The following SLC24A2 variants were observed in gnomAD, a reference collection of about 807,000 sequenced individuals.
SLC24A2 encodes sodium/potassium/calcium exchanger 2.
A neutral mutation model predicts 62.0 loss-of-function variants in SLC24A2; 36 were observed. That is an observed-to-expected ratio of 0.58 (90% CI 0.44 to 0.77). The LOEUF is 0.77. SLC24A2 is among the 30% of genes least tolerant of loss of function. SLC24A2 has a pLI of 0.00. For synonymous variants in SLC24A2, 358 were observed against 294.0 expected, an observed-to-expected ratio of 1.22 and a Z score of -2.23; for missense variants, 846 against 817.9, an observed-to-expected ratio of 1.03 and a Z score of -0.42.
chr9:19,622,184 ACCCGTCTCACT>A, intron 3 of SLC24A2, 66 bp downstream of exon 3: 2 of 1,211,952 alleles, frequency 1.7e-6, no homozygotes, highest in Admixed American at 3.5e-5. Flanking sequence ...GAGCACACAA[ACCCGTCTCACT>A]CCCACCCCTG....
At chr9:19,920,858 T>G in the SLC24A2 span, among the ~76,000 whole-genome samples, 1 of 152,148 alleles carries the variant, frequency 6.6e-6, no homozygotes, top group Admixed American at 6.5e-5. Flanking sequence ...TGTAAAATCA[T>G]ACAGTCTAAA....
chr9:20,249,314 CAT>C, the SLC24A2 span, among the ~76,000 whole-genome samples: 1 of 152,064 alleles, frequency 6.6e-6, no homozygotes, highest in Non-Finnish European at 1.5e-5. Flanking sequence ...AACTGTGAAC[CAT>C]GGACAGTTTA....
the SLC24A2 span, among the ~76,000 whole-genome samples, chr9:20,234,611 T>C: frequency 6.6e-6 from 1 of 152,216 alleles, no homozygotes; most frequent in Non-Finnish European, 1.5e-5. Context: ...CATTGGTTAT[T>C]CTAGTTATCC....
the SLC24A2 span, among the ~76,000 whole-genome samples, chr9:19,812,538 T>C: frequency 6.6e-6 from 1 of 152,174 alleles, no homozygotes; most frequent in Admixed American, 6.5e-5. Context: ...ATTCTAATTA[T>C]ATAATACATT....
At chr9:19,929,676 A>C in the SLC24A2 span, 2 of 152,308 alleles carry the variant, frequency 1.3e-5, no homozygotes, top group African/African-American at 4.8e-5. Flanking sequence ...ACTCCTATTT[A>C]TTAAAAAAAA....
intron 7 of SLC24A2, among the ~76,000 whole-genome samples, chr9:19,559,724 T>C (rs1384714910): frequency 2.0e-5 from 3 of 152,190 alleles, no homozygotes; most frequent in Non-Finnish European, 2.9e-5. Context: ...ACACTACACA[T>C]TTCACAAAGG....
At chr9:19,684,567 C>T (rs1355323540) in intron 2 of SLC24A2, among the ~76,000 whole-genome samples, 6 of 152,086 alleles carry the variant, frequency 3.9e-5, no homozygotes, top group Non-Finnish European at 7.4e-5. Context: ...GTCTATCTGA[C>T]AGGCAAAGGT....
At chr9:20,016,359 A>C in the SLC24A2 span, among the ~76,000 whole-genome samples, 1 of 152,220 alleles carries the variant, frequency 6.6e-6, no homozygotes, top group Non-Finnish European at 1.5e-5. Flanking sequence ...ACATCTACTC[A>C]GGATATAAAT....
At chr9:19,658,223 T>C (rs556314154) in intron 2 of SLC24A2, among the ~76,000 whole-genome samples, 41 of 152,360 alleles carry the variant, frequency 2.7e-4, no homozygotes, top group African/African-American at 9.1e-4. Flanking sequence ...CCTATTTACG[T>C]ATTTGTATCC....
In SLC24A2 at chr9:19,521,308, G is replaced by A. The variant is rs147551835; in HGVS notation, c.1570-248C>T. Among the ~76,000 whole-genome samples, 957 of 152,272 alleles carry A rather than the reference G, an allele frequency of 6.3e-3. 7 individuals carry two copies. Among genetic ancestry groups the A allele is most frequent in the African/African-American group, 0.022 (901 of 41,536 alleles). ...ATAATCTCAAAAAAGAGCTCTAGAG[G>A]GCTAGAGTGTAGCCTTTATATGGTG... On this transcript the variant is annotated intron_variant, in intron 9 of 10. Coordinates refer to ENST00000341998, the MANE Select transcript of SLC24A2 (RefSeq NM_020344.4).
At chr9:19,734,535 C>T (rs191666455) in intron 2 of SLC24A2, among the ~76,000 whole-genome samples, 139 of 152,096 alleles carry the variant, frequency 9.1e-4, no homozygotes, top group African/African-American at 2.8e-3. Flanking sequence ...ATGTTCTTCC[C>T]TTTGTTTGTA....
At chr9:20,038,165 CCA>C in the SLC24A2 span, among the ~76,000 whole-genome samples, 1 of 152,172 alleles carries the variant, frequency 6.6e-6, no homozygotes, top group Non-Finnish European at 1.5e-5. Context: ...GGCATTGACT[CCA>C]GAGTTAAGTT....
chr9:20,003,119 T>C, the SLC24A2 span, among the ~76,000 whole-genome samples: 1 of 152,218 alleles, frequency 6.6e-6, no homozygotes, highest in Non-Finnish European at 1.5e-5. Context: ...GGAAGGATTT[T>C]GTGTAACAAA....
chr9:20,059,054 A>G, the SLC24A2 span, among the ~76,000 whole-genome samples: 6 of 152,224 alleles, frequency 3.9e-5, no homozygotes, highest in Admixed American at 3.3e-4. Flanking sequence ...TTAATATGAG[A>G]GGCTGAATAA....
At chr9:19,604,086 C>A (rs1423508875) in intron 4 of SLC24A2, among the ~76,000 whole-genome samples, 3 of 152,350 alleles carry the variant, frequency 2.0e-5, no homozygotes, top group East Asian at 3.9e-4. Flanking sequence ...ACTCTGTATG[C>A]GTTCAACAAA....
the SLC24A2 span, among the ~76,000 whole-genome samples, chr9:20,246,691 G>C: frequency 2.0e-5 from 3 of 152,218 alleles, no homozygotes; most frequent in African/African-American, 2.4e-5. Context: ...GGAAGGAAGG[G>C]AGAAGCCCCT....
chr9:20,097,948 T>G, the SLC24A2 span, among the ~76,000 whole-genome samples: 6 of 151,858 alleles, frequency 4.0e-5, no homozygotes, highest in African/African-American at 1.5e-4. Flanking sequence ...TTCACCATGT[T>G]AGCCAGTATG....
chr9:20,199,075 A>G, the SLC24A2 span, among the ~76,000 whole-genome samples: 1 of 152,230 alleles, frequency 6.6e-6, no homozygotes, highest in Non-Finnish European at 1.5e-5. Context: ...TTTTCTACAG[A>G]GAAAAAGTTG....
the SLC24A2 span, among the ~76,000 whole-genome samples, chr9:20,046,645 C>G: frequency 6.6e-6 from 1 of 152,166 alleles, no homozygotes; most frequent in Admixed American, 6.5e-5. Context: ...ACAAGTGAAC[C>G]TCTATAGTCT....
Sources: allele counts gnomAD v4.1 joint callset (sites outside exome capture counted in the v4.1 genomes callset), GRCh38; gene constraint gnomAD v4.1.1; transcripts MANE v1.5; gene names NCBI Gene and HGNC (gene_info 2026-07-23, HGNC 2026-07-21).